Variants in ZNF385D observed in about 807,000 individuals in gnomAD.
The protein encoded by ZNF385D is zinc finger protein 385D, also known as zinc finger protein 659.
Under a neutral mutation model 35.8 loss-of-function variants are expected in ZNF385D, and 15 were observed. That is an observed-to-expected ratio of 0.42 (90% CI 0.28 to 0.64). The LOEUF (loss-of-function observed/expected upper bound fraction) is 0.64. Among genes scored for constraint, ZNF385D ranks in the 30% least tolerant of loss-of-function variants. The pLI is 0.23. For missense variants in ZNF385D, 474 were observed against 494.6 expected (o/e 0.96, Z 0.39); for synonymous variants, 212 against 186.8 (o/e 1.13, Z -1.10).
At chr3:21,492,954 A>C (rs35813182) in intron 4 of ZNF385D, among the ~76,000 whole-genome samples, 58 of 152,170 alleles carry the variant, frequency 3.8e-4, no homozygotes, top group Non-Finnish European at 6.6e-4. Flanking sequence ...ATACCATGAC[A>C]AATAATGCAT....
chr3:21,662,384 A>C (rs1273244618), intron 2 of ZNF385D, among the ~76,000 whole-genome samples: 1 of 152,160 alleles, frequency 6.6e-6, no homozygotes, highest in Non-Finnish European at 1.5e-5. Context: ...CCAAAACCTT[A>C]GCATACCCTG....
intron 1 of ZNF385D, among the ~76,000 whole-genome samples, chr3:21,728,450 T>C (rs2068857848): frequency 6.6e-6 from 1 of 152,098 alleles, no homozygotes. Flanking sequence ...GCAGGACACA[T>C]ATCCACTTTT....
chr3:21,988,195 T>C (rs1056379668), intron 3 of ZNF385D, among the ~76,000 whole-genome samples: 3 of 130,136 alleles, frequency 2.3e-5, no homozygotes, highest in African/African-American at 8.4e-5. Context: ...CATCCAGCTT[T>C]GTTCCGTTGC....
chr3:21,680,753 A>G (rs577724835), intron 1 of ZNF385D, among the ~76,000 whole-genome samples: 2 of 152,314 alleles, frequency 1.3e-5, no homozygotes, highest in East Asian at 3.9e-4. Context: ...TCTTGATAAC[A>G]ACTGTTTATG....
intron 2 of ZNF385D, among the ~76,000 whole-genome samples, chr3:21,588,475 C>G (rs2063876980): frequency 6.6e-6 from 1 of 151,864 alleles, no homozygotes; most frequent in Non-Finnish European, 1.5e-5. Flanking sequence ...GTATGAAAAA[C>G]TTAACTATGT....
chr3:22,291,998 A>G (rs1283398755), intron 2 of ZNF385D, among the ~76,000 whole-genome samples: 4 of 152,172 alleles, frequency 2.6e-5, no homozygotes. Flanking sequence ...AGATAATCAC[A>G]TACTACAGGC....
intron 4 of ZNF385D, among the ~76,000 whole-genome samples, chr3:21,495,715 G>C (rs1335242178): frequency 6.6e-6 from 1 of 151,980 alleles, no homozygotes; most frequent in Admixed American, 6.6e-5. Flanking sequence ...TGAACTGAAG[G>C]AAAGTGAGAT....
At chr3:21,694,117 C>T (rs149494631) in intron 1 of ZNF385D, among the ~76,000 whole-genome samples, 1,921 of 141,022 alleles carry the variant, frequency 0.014, 38 homozygotes, top group African/African-American at 0.048. Flanking sequence ...GATCTCGGCT[C>T]ACTGCAAGCT....
At chr3:21,586,040 T>C (rs374571895) in intron 2 of ZNF385D, among the ~76,000 whole-genome samples, 76 of 135,886 alleles carry the variant, frequency 5.6e-4, no homozygotes, top group Non-Finnish European at 1.1e-3. Context: ...TACAAATACA[T>C]ACACACACAC....
chr3:22,151,610 A>G (rs968226207), intron 3 of ZNF385D, among the ~76,000 whole-genome samples: 1 of 152,136 alleles, frequency 6.6e-6, no homozygotes, highest in Admixed American at 6.5e-5. Context: ...TTGCTTGAGG[A>G]AAGTCAGTGT....
intron 2 of ZNF385D, among the ~76,000 whole-genome samples, chr3:22,171,003 A>C (rs1266414479): frequency 6.6e-6 from 1 of 152,208 alleles, no homozygotes; most frequent in East Asian, 1.9e-4. Flanking sequence ...CACAAACTTG[A>C]CTTAGAAAAA....
At chr3:22,177,861 G>C (rs925691158) in intron 2 of ZNF385D, among the ~76,000 whole-genome samples, 1 of 152,088 alleles carries the variant, frequency 6.6e-6, no homozygotes, top group East Asian at 1.9e-4. Context: ...GTGATAGTTT[G>C]CTGAGAATGA....
At chr3:21,610,894 G>A in intron 2 of ZNF385D, among the ~76,000 whole-genome samples, 1 of 152,186 alleles carries the variant, frequency 6.6e-6, no homozygotes, top group East Asian at 1.9e-4. Flanking sequence ...CTGGAATGTG[G>A]TCTCATCTGA....
chr3:22,279,485 A>G (rs1033546918), intron 2 of ZNF385D, among the ~76,000 whole-genome samples: 4 of 116,192 alleles, frequency 3.4e-5, no homozygotes, highest in Non-Finnish European at 7.5e-5. Context: ...ATATATATAT[A>G]TGGAATATAC....
chr3:21,669,045 T>C (rs918307169), intron 1 of ZNF385D, among the ~76,000 whole-genome samples: 1 of 152,246 alleles, frequency 6.6e-6, no homozygotes, highest in East Asian at 1.9e-4. Context: ...ATATTCTTAA[T>C]TGAAGCAGGT....
chr3:21,496,412 TTG>T (rs1705860178), intron 4 of ZNF385D, among the ~76,000 whole-genome samples: 1 of 145,936 alleles, frequency 6.9e-6, no homozygotes, highest in African/African-American at 2.5e-5. Flanking sequence ...ACACATATAT[TTG>T]ATATATATAT....
At chr3:22,264,445 G>T (rs1356537511) in intron 2 of ZNF385D, among the ~76,000 whole-genome samples, 5 of 152,140 alleles carry the variant, frequency 3.3e-5, no homozygotes, top group African/African-American at 7.2e-5. Context: ...CTAGGGATCT[G>T]AATCTACAAT....
chr3:21,843,957 G>A (rs1695840541), intron 3 of ZNF385D, among the ~76,000 whole-genome samples: 1 of 151,872 alleles, frequency 6.6e-6, no homozygotes, highest in South Asian at 2.1e-4. Flanking sequence ...ACTCTAGTAG[G>A]GAGATAAGAT....
intron 1 of ZNF385D, among the ~76,000 whole-genome samples, chr3:21,736,979 G>A (rs868227242): frequency 7.9e-5 from 12 of 152,112 alleles, no homozygotes; most frequent in African/African-American, 1.9e-4. Flanking sequence ...TCGCTCCGTC[G>A]CCCAGGCTGG....
Sources: gnomAD v4.1 joint callset for allele counts (sites outside exome capture counted in the v4.1 genomes callset) on GRCh38, gnomAD v4.1.1 for gene constraint, MANE v1.5 for transcripts, NCBI Gene and HGNC (gene_info 2026-07-23, HGNC 2026-07-21) for gene names.